The following SYNE2 variants were observed in gnomAD, a reference collection of about 807,000 sequenced individuals.
The protein encoded by SYNE2 is nesprin-2.
A neutral mutation model predicts 856.3 loss-of-function variants in SYNE2; 431 were observed. The observed-to-expected ratio is 0.50, with a 90% CI of 0.47 to 0.55. SYNE2 has a LOEUF of 0.55. SYNE2 is among the 20% of genes least tolerant of loss of function. The pLI is 0.00. For synonymous variants in SYNE2, 2,923 were observed against 2,872.3 expected, an observed-to-expected ratio of 1.02 and a Z score of -0.56; for missense variants, 8,129 against 8,023.2, an observed-to-expected ratio of 1.01 and a Z score of -0.50.
At chr14:64,035,515 A>AT (rs35030710) in intron 45 of SYNE2, among the ~76,000 whole-genome samples, 14,320 of 121,638 alleles carry the variant, frequency 0.12, 1,453 homozygotes, top group African/African-American at 0.23. Context: ...TACATGGTAC[A>AT]TTTTTTTTTT....
intron 65 of SYNE2, among the ~76,000 whole-genome samples, chr14:64,108,181 G>A (rs559281153): frequency 1.4e-3 from 210 of 152,118 alleles, no homozygotes; most frequent in Non-Finnish European, 2.5e-3. Flanking sequence ...GTGAAACCCC[G>A]TCTCTACTAA....
In SYNE2 at chr14:64,220,523, C is replaced by T. The variant is rs925076729; in HGVS notation, c.19947C>T (p.Pro6649=). ...AGGAATTTCTGCAAACCGAGAGCCC[C>T]GAATCCACAGAGCTCCAAAGTAGAC... ...SSKEFLQTES[P]ESTELQSRLR... The change falls in exon 111 of 116, where the codon CCC becomes CCT. Residue 6649 remains proline (P), a synonymous_variant. Transcript: ENST00000555002. 8 of 1,614,034 alleles carry T rather than the reference C, an allele frequency of 5.0e-6. No individual in the cohort carries two copies. The highest frequency in any genetic ancestry group is 1.3e-5 in the African/African-American group (1 of 74,900).
At chr14:64,225,266 T>TGG in intron 115 of SYNE2, 53 bp from the exon 116 acceptor site, 1 of 1,613,680 alleles carries the variant, frequency 6.2e-7, no homozygotes, top group Non-Finnish European at 8.5e-7. Flanking sequence ...GGTAATAGAG[T>TGG]GGGTTGTGCC....
chr14:64,172,695 G>T (rs2098416618), intron 94 of SYNE2, among the ~76,000 whole-genome samples: 1 of 152,136 alleles, frequency 6.6e-6, no homozygotes, highest in African/African-American at 2.4e-5. Context: ...ACTTTGGGAG[G>T]CCGAGGTGGG....
At chr14:64,208,052 T>C in intron 100 of SYNE2, 1 of 456,070 alleles carries the variant, frequency 2.2e-6, no homozygotes, top group Non-Finnish European at 4.4e-6. Flanking sequence ...CCTATGACCA[T>C]GCATTTTCTC....
chr14:64,212,050 G>C lies in SYNE2; in HGVS notation c.18813G>C (p.Val6271=). 1 of 1,614,186 alleles carries C rather than the reference G, an allele frequency of 6.2e-7. No individual in the cohort carries two copies. Among genetic ancestry groups the C allele is most frequent in the South Asian group, 1.1e-5 (1 of 91,088 alleles). ...LTEMDLQLTN[V]EHFSESDADD... ...AGATGGACCTGCAGCTGACCAACGT[G>C]GAGCACTTCTCAGAGAGTGACGCCG... The change falls in exon 104 of 116, where the codon GTG becomes GTC. Residue 6271 remains valine, a synonymous_variant. Coordinates refer to ENST00000555002, the MANE Select transcript of SYNE2 (RefSeq NM_182914.3).
Position 64,225,967 on chromosome 14 carries a change from ACAAT to A in SYNE2, c.*448_*451del, listed in dbSNP as rs755203939. 1.1e-4 allele frequency: 33 copies of A among 309,714 alleles called. No individual in the cohort carries two copies. Among genetic ancestry groups the A allele is most frequent in the East Asian group, 1.9e-4 (3 of 15,646 alleles). The allele number at this position is 309,714 out of a possible 1,614,324, so 19.2% of individuals were successfully genotyped here. A position where few individuals can be genotyped will look rare whatever the true frequency, so the allele number is the denominator to read the frequency against. ...TCATAGGCACCCTTAGCTGATGGAA[ACAAT>A]CAATCATATTTAATACGCTTAGAAT... On this transcript the variant is annotated 3_prime_UTR_variant, in exon 116 of 116. Coordinates refer to ENST00000555002, the MANE Select transcript of SYNE2 (RefSeq NM_182914.3).
rs1401675703 is a variant in SYNE2, at chr14:63,960,928, G to T, written c.788-597G>T. The T allele has an allele frequency of 7.3e-6, 4 of 549,746 alleles. No individual in the cohort carries two copies. In the East Asian group the frequency reaches 1.1e-4, roughly 16 times the overall value. The allele number at this position is 549,746 out of a possible 1,614,324, so 34.1% of individuals were successfully genotyped here. A position where few individuals can be genotyped will look rare whatever the true frequency, so the allele number is the denominator to read the frequency against. ...AAGATTTTGTAGTCTTTAAAATTTT[G>T]TTTAATTCAGCATTTTACAAACTTA... On this transcript the variant is annotated intron_variant, in intron 8 of 115. Transcript: ENST00000555002.
chr14:64,072,007 AAAAAAT>A (rs1166908014), intron 52 of SYNE2, among the ~76,000 whole-genome samples: 1 of 152,200 alleles, frequency 6.6e-6, no homozygotes, highest in African/African-American at 2.4e-5. Flanking sequence ...CGTCCATCTC[AAAAAAT>A]AAAAATAAAA....
chr14:64,062,452 T>C lies in SYNE2; in HGVS notation c.10068-299T>C, dbSNP rs541579581. The stretch of plus-strand genomic sequence containing the variant: ...CACAAGAATTGTACCAATTTACAGC[T>C]CATCAGTGTGTTTGAGAATGCAGTT... On this transcript the variant is annotated intron_variant, in intron 49 of 115. Transcript: ENST00000555002. Among the ~76,000 whole-genome samples the C allele has an allele frequency of 4.6e-4, 70 of 152,246 alleles. 1 individual carries two copies. The highest frequency in any genetic ancestry group is 1.3e-3 in the African/African-American group (54 of 41,540).
intron 1 of SYNE2, among the ~76,000 whole-genome samples, chr14:63,768,023 G>A (rs988573633): frequency 2.0e-5 from 3 of 151,812 alleles, no homozygotes; most frequent in South Asian, 4.2e-4. Context: ...GTGAAACCCC[G>A]TCTTAACAAA....
chr14:64,029,845 A>C, intron 43 of SYNE2, 50 bp from the exon 44 acceptor site: 2 of 1,576,210 alleles, frequency 1.3e-6, no homozygotes, highest in Non-Finnish European at 1.7e-6. Flanking sequence ...TTGTGAGTGA[A>C]AACAATCAGA....
intron 81 of SYNE2, among the ~76,000 whole-genome samples, 161 bp from the exon 82 acceptor site, chr14:64,141,781 G>T (rs1380124349): frequency 6.6e-6 from 1 of 151,572 alleles, no homozygotes; most frequent in Admixed American, 6.6e-5. Flanking sequence ...TTGTTTTGGG[G>T]TCGCTTATTC....
Position 64,221,724 on chromosome 14 carries a change from C to T in SYNE2, c.20190+20C>T. ...CTAATGGTAAGTTTCCTCCCAAGGG[C>T]TCTGTACTGCCACCAGCCTCTGTCA... On this transcript the variant is annotated intron_variant, in intron 112 of 115. Coordinates refer to ENST00000555002, the MANE Select transcript of SYNE2 (RefSeq NM_182914.3). 6.2e-7 allele frequency: 1 copy of T among 1,613,090 alleles called. No homozygotes were observed. The highest frequency in any genetic ancestry group is 8.5e-7 in the Non-Finnish European group (1 of 1,179,476).
rs201636300 is a variant in SYNE2, at chr14:64,128,435, C to A, written c.13918-17C>A. The A allele has an allele frequency of 7.1e-7, 1 of 1,407,970 alleles. No homozygotes were observed. Among genetic ancestry groups the A allele is most frequent in the East Asian group, 2.3e-5 (1 of 43,928 alleles). The allele number at this position is 1,407,970 out of a possible 1,614,324, so 87.2% of individuals were successfully genotyped here. A position where few individuals can be genotyped will look rare whatever the true frequency, so the allele number is the denominator to read the frequency against. On this transcript the variant is annotated splice_polypyrimidine_tract_variant and intron_variant, in intron 73 of 115. Transcript: ENST00000555002. The stretch of plus-strand genomic sequence containing the variant: ...GGCCTAAATGAGATTGCTCAGTTTC[C>A]GACATTTATCTTACAGAATGAAATA...
intron 85 of SYNE2, among the ~76,000 whole-genome samples, chr14:64,157,746 T>C (rs1281404104): frequency 1.3e-5 from 2 of 152,246 alleles, no homozygotes; most frequent in Admixed American, 6.5e-5. Flanking sequence ...AACACATTAT[T>C]ATCTGACTTT....
At chr14:64,187,016 C>G (rs567868692) in intron 97 of SYNE2, among the ~76,000 whole-genome samples, 1 of 152,304 alleles carries the variant, frequency 6.6e-6, no homozygotes, top group African/African-American at 2.4e-5. Context: ...TATGAGTACT[C>G]TGCATTCACA....
chr14:64,076,028 C>T lies in SYNE2; in HGVS notation c.10950C>T (p.Tyr3650=). ...EKLRIKYSEM[Y]TIVPAEIESQ... ...TGCGAATCAAGTATTCCGAAATGTA[C>T]ACCATAGTCCCTGCAGAGATTGAAT... Residue 3650 remains tyrosine, a synonymous_variant, in exon 54 of 116, where the codon TAC becomes TAT. Transcript: ENST00000555002. 6.2e-7 allele frequency: 1 copy of T among 1,613,916 alleles called. No homozygotes were observed. Among genetic ancestry groups the T allele is most frequent in the East Asian group, 2.2e-5 (1 of 44,848 alleles).
rs762838851 is a variant in SYNE2, at chr14:64,093,302, T to G, written c.11977-47T>G. 3.7e-6 allele frequency: 6 copies of G among 1,608,224 alleles called. No homozygotes were observed. In the African/African-American group the frequency reaches 8.0e-5, roughly 22 times the overall value. ...AGACAATGAAAATAGTCCATTAATCTGCTTAGATTATGACAAAGATTCTTT... is the reference window on the plus strand; with the variant it reads ...AGACAATGAAAATAGTCCATTAATCGGCTTAGATTATGACAAAGATTCTTT... On this transcript the variant is annotated intron_variant, in intron 60 of 115. Transcript: ENST00000555002.
Sources: allele counts gnomAD v4.1 joint callset (sites outside exome capture counted in the v4.1 genomes callset), GRCh38; gene constraint gnomAD v4.1.1; transcripts MANE v1.5; gene names NCBI Gene and HGNC (gene_info 2026-07-23, HGNC 2026-07-21).